Variants in FAM217A observed in about 807,000 individuals in gnomAD.
FAM217A encodes protein FAM217A.
A neutral mutation model predicts 18.5 loss-of-function variants in FAM217A; 13 were observed. The ratio of observed to expected loss-of-function variants is 0.70; its 90% CI spans 0.46 to 1.12. The LOEUF is 1.12. Among genes scored for constraint, FAM217A ranks in the 50% most tolerant of loss-of-function variants. The pLI is 0.00. For missense variants in FAM217A, 560 were observed against 575.4 expected (o/e 0.97, Z 0.27); for synonymous variants, 161 against 202.8 (o/e 0.79, Z 1.75).
chr6:4,073,247 G>A (rs768593017), intron 6 of FAM217A, 28 bp downstream of exon 6: 5 of 1,496,026 alleles, frequency 3.3e-6, no homozygotes, highest in Non-Finnish European at 4.6e-6. Flanking sequence ...CAGTAATTTA[G>A]GGTGTTACAA....
chr6:4,078,895 C>T lies in FAM217A; in HGVS notation c.-78G>A. ...TCCTCCCCGGCGTGCTCTCCCGGTG[C>T]GCCGCCCCGAGGCCCGAGCGCCTCC... On this transcript the variant is annotated 5_prime_UTR_variant, in exon 1 of 7. Coordinates refer to ENST00000274673, the MANE Select transcript of FAM217A (RefSeq NM_173563.3). The T allele has an allele frequency of 3.4e-6, 2 of 581,230 alleles. No individual in the cohort carries two copies. Among genetic ancestry groups the T allele is most frequent in the Non-Finnish European group, 3.1e-6 (1 of 323,556 alleles). 36.0% of individuals were successfully genotyped at this position (581,230 alleles called of 1,614,324 possible).
intron 6 of FAM217A, among the ~76,000 whole-genome samples, chr6:4,072,074 G>A (rs1769451714): frequency 6.6e-6 from 1 of 152,222 alleles, no homozygotes; most frequent in Non-Finnish European, 1.5e-5. Flanking sequence ...CGGGCACGGT[G>A]GCTCACGCCC....
intron 2 of FAM217A, among the ~76,000 whole-genome samples, chr6:4,084,175 T>A (rs1770489547): frequency 6.6e-6 from 1 of 152,242 alleles, no homozygotes. Context: ...ATGCAAATAT[T>A]TCTAATTTGA....
In FAM217A at chr6:4,068,624, A is replaced by G. The variant is rs1769181022; in HGVS notation, c.*72T>C. The G allele has an allele frequency of 6.7e-7, 1 of 1,481,888 alleles. No homozygotes were observed. The highest frequency in any genetic ancestry group is 1.4e-5 in the South Asian group (1 of 72,416). 91.8% of individuals were successfully genotyped at this position (1,481,888 alleles called of 1,614,324 possible). A position where few individuals can be genotyped will look rare whatever the true frequency, so the allele number is the denominator to read the frequency against. ...ACTGTTAATAGTACCTGTGTCTTGG[A>G]ATAATTAACCATATCTTAGTTGGGC... On this transcript the variant is annotated 3_prime_UTR_variant, in exon 7 of 7. Transcript: ENST00000274673.
rs760169990 is a variant in FAM217A, at chr6:4,069,006, G to T, written c.1217C>A (p.Ser406Tyr). 6.2e-7 allele frequency: 1 copy of T among 1,613,772 alleles called. No homozygotes were observed. Among genetic ancestry groups the T allele is most frequent in the Non-Finnish European group, 8.5e-7 (1 of 1,179,928 alleles). The change falls in exon 7 of 7, where the codon TCT (serine) becomes TAT (tyrosine). Residue 406 changes from serine (S) to tyrosine (Y), a missense_variant. By Grantham distance (144) the Ser-to-Tyr change is moderately radical (BLOSUM62 -2). Coordinates refer to ENST00000274673, the MANE Select transcript of FAM217A (RefSeq NM_173563.3). ...IETYDKNPKS[S>Y]ILSPCQELSF... Reference sequence around the variant, plus strand: ...GAGTTCTTGGCATGGACTTAAAATAGAACTTTTGGGATTCTTATCATAAGT... The same window carrying T: ...GAGTTCTTGGCATGGACTTAAAATATAACTTTTGGGATTCTTATCATAAGT...
At chr6:4,072,062 G>A (rs185478379) in intron 6 of FAM217A, among the ~76,000 whole-genome samples, 1 of 152,182 alleles carries the variant, frequency 6.6e-6, no homozygotes, top group Non-Finnish European at 1.5e-5. Flanking sequence ...ACATTCAGGG[G>A]CCGGGCACGG....
At chr6:4,075,415 C>T (rs1403838670) in intron 2 of FAM217A, among the ~76,000 whole-genome samples, 1 of 152,066 alleles carries the variant, frequency 6.6e-6, no homozygotes, top group African/African-American at 2.4e-5. Flanking sequence ...GTCTCTAACC[C>T]TCATATTATA....
Position 4,079,091 on chromosome 6 carries a change from G to C in FAM217A, c.-274C>G. 2.8e-6 allele frequency: 1 copy of C among 358,518 alleles called. No individual in the cohort carries two copies. Among genetic ancestry groups the C allele is most frequent in the Non-Finnish European group, 5.0e-6 (1 of 200,962 alleles). The allele number at this position is 358,518 out of a possible 1,614,324, so 22.2% of individuals were successfully genotyped here. A position where few individuals can be genotyped will look rare whatever the true frequency, so the allele number is the denominator to read the frequency against. ...GGGTGGGAGTCGGGCCCGGGGCCCA[G>C]AGAGACCTTCCGGGGCCGGGGCTGC... On this transcript the variant is annotated 5_prime_UTR_variant, in exon 1 of 7. Transcript: ENST00000274673.
At chr6:4,074,801 A>G (rs1769669457) in intron 2 of FAM217A, 140 bp from the exon 3 acceptor site, 1 of 621,398 alleles carries the variant, frequency 1.6e-6, no homozygotes. Context: ...AGAACTTATC[A>G]GCATCTTTGA....
Position 4,078,874 on chromosome 6 carries a change from C to T in FAM217A, c.-57G>A. 1 of 547,540 alleles carries T rather than the reference C, an allele frequency of 1.8e-6. No individual in the cohort carries two copies. The highest frequency in any genetic ancestry group is 3.3e-6 in the Non-Finnish European group (1 of 304,400). The allele number at this position is 547,540 out of a possible 1,614,324, so 33.9% of individuals were successfully genotyped here. A position where few individuals can be genotyped will look rare whatever the true frequency, so the allele number is the denominator to read the frequency against. ...CACCGCGCGAAGGCCCACGTGTCCT[C>T]CCCGGCGTGCTCTCCCGGTGCGCCG... is the stretch of plus-strand genomic sequence containing the variant. On this transcript the variant is annotated 5_prime_UTR_variant, in exon 1 of 7. Coordinates refer to ENST00000274673, the MANE Select transcript of FAM217A (RefSeq NM_173563.3).
chr6:4,087,320 G>A (rs957924862), upstream of FAM217A: 12 of 1,232,994 alleles, frequency 9.7e-6, no homozygotes, highest in African/African-American at 1.6e-4. Flanking sequence ...ATTTTCAATG[G>A]GCTGGTTTTC....
chr6:4,076,053 G>A (rs1030459510), intron 2 of FAM217A, among the ~76,000 whole-genome samples: 3 of 149,738 alleles, frequency 2.0e-5, no homozygotes, highest in Admixed American at 6.7e-5. Context: ...AGGGCCGGGC[G>A]CAGTGGCTCA....
chr6:4,070,895 C>T (rs1769360165), intron 6 of FAM217A, among the ~76,000 whole-genome samples: 2 of 151,846 alleles, frequency 1.3e-5, no homozygotes, highest in Admixed American at 1.3e-4. Context: ...CCTCTGGAGG[C>T]TGAGTTGGGA....
At chr6:4,085,311 A>AAATATAT (rs377046907) in intron 1 of FAM217A, among the ~76,000 whole-genome samples, 10,549 of 146,232 alleles carry the variant, frequency 0.072, 428 homozygotes, top group African/African-American at 0.11. Flanking sequence ...TGTAAAAAAA[A>AAATATAT]ATATATATAT....
upstream of FAM217A, among the ~76,000 whole-genome samples, chr6:4,079,893 A>G (rs1770160741): frequency 6.6e-6 from 1 of 151,644 alleles, no homozygotes; most frequent in African/African-American, 2.4e-5. Context: ...TGTAAATCAC[A>G]CAGCCCAATT....
At chr6:4,083,511 G>A (rs1393723330), upstream of FAM217A, among the ~76,000 whole-genome samples, 1 of 151,598 alleles carries the variant, frequency 6.6e-6, no homozygotes, top group Admixed American at 6.6e-5. Context: ...GTCATGGCTG[G>A]TCACGTACAG....
intron 1 of FAM217A, among the ~76,000 whole-genome samples, chr6:4,078,049 CTTTTTT>C (rs10600748): frequency 6.1e-5 from 7 of 113,998 alleles, no homozygotes; most frequent in African/African-American, 2.6e-4. Flanking sequence ...GAAAGAATCA[CTTTTTT>C]TTTTTTTTTT....
upstream of FAM217A, chr6:4,079,736 A>G (rs762547150): frequency 3.2e-5 from 32 of 1,007,526 alleles, no homozygotes; most frequent in Admixed American, 3.6e-4. Context: ...ATGTGAAGTT[A>G]TATCTATGCT....
At chr6:4,083,279 T>C (rs1770422015), upstream of FAM217A, among the ~76,000 whole-genome samples, 1 of 152,228 alleles carries the variant, frequency 6.6e-6, no homozygotes, top group Non-Finnish European at 1.5e-5. Flanking sequence ...GCGATGACAC[T>C]GACTACCACG....
Sources: gnomAD v4.1 joint callset for allele counts (sites outside exome capture counted in the v4.1 genomes callset) on GRCh38, gnomAD v4.1.1 for gene constraint, MANE v1.5 for transcripts, NCBI Gene and HGNC (gene_info 2026-07-23, HGNC 2026-07-21) for gene names.